Variants in MATN2 observed in about 807,000 individuals in gnomAD.
MATN2 encodes the protein matrilin-2.
MATN2 carries 69 observed loss-of-function variants against 103.2 expected under a neutral mutation model. The observed-to-expected ratio is 0.67, with a 90% CI of 0.55 to 0.82. MATN2 has a LOEUF of 0.82. Ranked by LOEUF, MATN2 falls within the 40% of genes least tolerant of loss-of-function variation. The pLI, the probability that MATN2 is intolerant of heterozygous loss-of-function variation, is 0.00. For synonymous variants in MATN2, 429 were observed against 450.2 expected (o/e 0.95, Z 0.60); for missense variants, 1,023 against 1,211.5 (o/e 0.84, Z 2.31).
Position 97,937,790 on chromosome 8 carries a change from G to T in MATN2, c.713-3987G>T, listed in dbSNP as rs183867150. On this transcript the variant is annotated intron_variant, in intron 3 of 18. Transcript: ENST00000254898. ...GATGGGATTTTGCCATGTTGGCCAGGCTGGTTTCAAACTCCTGGACTCAAG... is the reference window on the plus strand; with the variant it reads ...GATGGGATTTTGCCATGTTGGCCAGTCTGGTTTCAAACTCCTGGACTCAAG... Among the ~76,000 whole-genome samples, 475 of 151,978 alleles carry T rather than the reference G, an allele frequency of 3.1e-3. 3 individuals carry two copies. Among genetic ancestry groups the T allele is most frequent in the African/African-American group, 0.01 (427 of 41,436 alleles).
chr8:97,974,403 C>A (rs373215251), intron 5 of MATN2, among the ~76,000 whole-genome samples: 1 of 151,242 alleles, frequency 6.6e-6, no homozygotes, highest in African/African-American at 2.4e-5. Context: ...CCTCCCAAAG[C>A]GCTGGGATTA....
intron 7 of MATN2, among the ~76,000 whole-genome samples, chr8:98,002,997 ATC>A (rs1445170094): frequency 6.6e-6 from 1 of 151,648 alleles, no homozygotes; most frequent in African/African-American, 2.4e-5. Context: ...TCCCAGCCTC[ATC>A]TCTCTCCTCA....
intron 1 of MATN2, 48 bp from the exon 2 acceptor site, chr8:97,888,027 G>T (rs1267777904): frequency 1.9e-6 from 3 of 1,553,082 alleles, no homozygotes; most frequent in Middle Eastern, 1.7e-4. Context: ...AGTTCAGGGA[G>T]ACCCGGAAAT....
chr8:97,896,456 A>T (rs1371870271), intron 2 of MATN2, among the ~76,000 whole-genome samples: 1 of 152,234 alleles, frequency 6.6e-6, no homozygotes, highest in East Asian at 1.9e-4. Flanking sequence ...GTTTTGAGAC[A>T]CAGGGTGGTC....
At chr8:97,939,935 G>A (rs1190362481) in intron 3 of MATN2, among the ~76,000 whole-genome samples, 3 of 152,182 alleles carry the variant, frequency 2.0e-5, no homozygotes, top group African/African-American at 7.2e-5. Context: ...AAACTGAGGT[G>A]AAGGTCAATG....
chr8:97,888,544 A>G (rs1478531778), intron 2 of MATN2, among the ~76,000 whole-genome samples: 5 of 152,190 alleles, frequency 3.3e-5, no homozygotes, highest in East Asian at 3.8e-4. Context: ...CTATCTGAGC[A>G]AAGGTGTTAT....
At position 97,994,100 on chromosome 8, in the gene MATN2, AGAAAG is replaced by A. The variant is rs1331458971; in HGVS notation, c.1082-371_1082-367del. 3.4e-5 allele frequency among the ~76,000 whole-genome samples: 5 copies of A among 146,788 alleles called. No homozygotes were observed. The East Asian group carries it at 7.9e-4, about 23-fold the overall frequency. On this transcript the variant is annotated intron_variant, in intron 6 of 18. Coordinates refer to ENST00000254898, the MANE Select transcript of MATN2 (RefSeq NM_002380.5). ...AAAGAAAGAAAGAAAGAAGAAAGGA[AGAAAG>A]GAAAGGAAGGAAGGAAGGAAGGGAG...
chr8:98,016,761 T>C (rs969328772), intron 11 of MATN2, 99 bp downstream of exon 11: 18 of 1,407,198 alleles, frequency 1.3e-5, no homozygotes, highest in Middle Eastern at 1.8e-4. Flanking sequence ...CAGAAGTCAA[T>C]GCCACACAGC....
intron 5 of MATN2, among the ~76,000 whole-genome samples, chr8:97,976,906 G>A (rs1421459581): frequency 6.6e-6 from 1 of 151,952 alleles, no homozygotes; most frequent in Non-Finnish European, 1.5e-5. Flanking sequence ...TTTGGATATG[G>A]TTTGTTTGGC....
intron 4 of MATN2, among the ~76,000 whole-genome samples, chr8:97,949,954 G>A (rs1422954013): frequency 6.6e-6 from 1 of 152,144 alleles, no homozygotes; most frequent in South Asian, 2.1e-4. Context: ...TTTGGAAATG[G>A]TGCCTACTCA....
intron 2 of MATN2, among the ~76,000 whole-genome samples, chr8:97,916,839 C>A (rs1286106762): frequency 3.3e-5 from 5 of 152,182 alleles, no homozygotes; most frequent in African/African-American, 1.2e-4. Context: ...TGTCCAGGGT[C>A]TGGAAACCAC....
intron 2 of MATN2, among the ~76,000 whole-genome samples, chr8:97,927,511 G>A (rs1391365476): frequency 1.3e-5 from 2 of 152,166 alleles, no homozygotes; most frequent in East Asian, 3.9e-4. Context: ...GCACACTTGA[G>A]TTTGAGAACC....
intron 10 of MATN2, among the ~76,000 whole-genome samples, chr8:98,008,887 A>G (rs960426528): frequency 6.6e-6 from 1 of 152,216 alleles, no homozygotes; most frequent in African/African-American, 2.4e-5. Flanking sequence ...GGACCCTACG[A>G]AATTCTCATG....
At chr8:98,010,930 G>A (rs1813138256) in intron 10 of MATN2, among the ~76,000 whole-genome samples, 1 of 152,218 alleles carries the variant, frequency 6.6e-6, no homozygotes, top group East Asian at 1.9e-4. Flanking sequence ...GCGAGGCTAG[G>A]GGAGTGTCTT....
At chr8:97,962,559 G>C (rs1401555315) in intron 5 of MATN2, among the ~76,000 whole-genome samples, 1 of 152,168 alleles carries the variant, frequency 6.6e-6, no homozygotes, top group Non-Finnish European at 1.5e-5. Flanking sequence ...CTCTGCCTCT[G>C]ACTCTCATCA....
chr8:97,988,212 A>G (rs1451793022), intron 6 of MATN2, among the ~76,000 whole-genome samples: 11 of 123,530 alleles, frequency 8.9e-5, no homozygotes, highest in African/African-American at 3.6e-4. Flanking sequence ...ATATGTATAC[A>G]CACATACATA....
Position 97,955,648 on chromosome 8 carries a change from G to T in MATN2, c.836-5760G>T, listed in dbSNP as rs573475377. Among the ~76,000 whole-genome samples, 4 of 152,328 alleles carry T rather than the reference G, an allele frequency of 2.6e-5. No individual in the cohort carries two copies. In the South Asian group the frequency reaches 8.3e-4, roughly 32 times the overall value. ...TAGATGGCTACTAAGCACCAACTGT[G>T]TGAAGTGCATGGCATTATACAGGCA... On this transcript the variant is annotated intron_variant, in intron 4 of 18. Transcript: ENST00000254898.
intron 10 of MATN2, among the ~76,000 whole-genome samples, chr8:98,010,154 A>T (rs1343876302): frequency 6.6e-6 from 1 of 152,090 alleles, no homozygotes; most frequent in Admixed American, 6.5e-5. Context: ...TTCTTTAGCC[A>T]AAGTGGCAAG....
rs141302012 is a variant in MATN2 at position 97,943,847 on chromosome 8, C to T, written c.835+1948C>T. Among the ~76,000 whole-genome samples, 22 of 152,284 alleles carry T rather than the reference C, an allele frequency of 1.4e-4. No homozygotes were observed. The East Asian group carries it at 3.5e-3, about 24-fold the overall frequency. On this transcript the variant is annotated intron_variant, in intron 4 of 18. Coordinates refer to ENST00000254898, the MANE Select transcript of MATN2 (RefSeq NM_002380.5). ...TGGGAATCTGCTGATATTTATTTTC[C>T]GTGGGCTGGCCTAGCCAAGCCAGAG...
Sources: gnomAD v4.1 joint callset for allele counts (sites outside exome capture counted in the v4.1 genomes callset) on GRCh38, gnomAD v4.1.1 for gene constraint, MANE v1.5 for transcripts, NCBI Gene and HGNC (gene_info 2026-07-23, HGNC 2026-07-21) for gene names.